The following NDST1 variants were observed in gnomAD, a reference collection of about 807,000 sequenced individuals.
NDST1 encodes the protein N-deacetylase and N-sulfotransferase 1.
A neutral mutation model predicts 92.8 loss-of-function variants in NDST1; 35 were observed. The ratio of observed to expected loss-of-function variants is 0.38; its 90% CI spans 0.29 to 0.50. The LOEUF is 0.50. Among genes scored for constraint, NDST1 ranks in the 20% least tolerant of loss-of-function variants. NDST1 has a pLI of 0.94. For synonymous variants in NDST1, 493 were observed against 500.3 expected (o/e 0.99, Z 0.19); for missense variants, 822 against 1,182.7 (o/e 0.69, Z 4.47).
intron 8 of NDST1, among the ~76,000 whole-genome samples, chr5:150,541,285 C>A (rs1328622683): frequency 1.3e-5 from 2 of 152,188 alleles, no homozygotes; most frequent in African/African-American, 4.8e-5. Flanking sequence ...CGTTTCTTGA[C>A]CCCCTGGTTC....
upstream of NDST1, among the ~76,000 whole-genome samples, chr5:150,503,465 A>T (rs980219381): frequency 9.2e-5 from 14 of 152,270 alleles, no homozygotes; most frequent in African/African-American, 3.4e-4. Context: ...AAACAAACAA[A>T]AAAATAAAGC....
At chr5:150,512,946 T>C (rs1753790102) in intron 1 of NDST1, among the ~76,000 whole-genome samples, 1 of 152,242 alleles carries the variant, frequency 6.6e-6, no homozygotes, top group Non-Finnish European at 1.5e-5. Flanking sequence ...GAATTACCTG[T>C]AATCCCAGCA....
intron 1 of NDST1, among the ~76,000 whole-genome samples, chr5:150,500,007 TC>T (rs1753161575): frequency 6.6e-6 from 1 of 152,202 alleles, no homozygotes; most frequent in South Asian, 2.1e-4. Flanking sequence ...CTGTGCTTTC[TC>T]CTCCTAGAGT....
At chr5:150,530,016 C>T (rs1304171123) in intron 3 of NDST1, among the ~76,000 whole-genome samples, 1 of 152,222 alleles carries the variant, frequency 6.6e-6, no homozygotes, top group Non-Finnish European at 1.5e-5. Context: ...CCCTAATGAA[C>T]TAGGTGACTT....
At chr5:150,540,027 A>G in intron 7 of NDST1, 55 bp from the exon 8 acceptor site, 3 of 1,602,210 alleles carry the variant, frequency 1.9e-6, no homozygotes, top group Non-Finnish European at 2.6e-6. Context: ...GTTGGCGGTG[A>G]GGGTGGCTCA....
chr5:150,540,281 C>CG lies in NDST1; in HGVS notation c.1749+17_1749+18insG, dbSNP rs1755184089. ...CTCTGGCAGGTGGGGGGCTGGGCAG[C>CG]CTGGGCAGGTTGCTACAGGGATGGA... is the stretch of plus-strand genomic sequence containing the variant. On this transcript the variant is annotated intron_variant, in intron 8 of 14. Coordinates refer to ENST00000261797, the MANE Select transcript of NDST1 (RefSeq NM_001543.5). The CG allele has an allele frequency of 1.3e-5, 20 of 1,589,304 alleles. No individual in the cohort carries two copies. The highest frequency in any genetic ancestry group is 1.6e-5 in the Non-Finnish European group (19 of 1,165,986).
intron 2 of NDST1, among the ~76,000 whole-genome samples, chr5:150,526,526 C>T (rs891563599): frequency 6.6e-6 from 1 of 152,228 alleles, no homozygotes; most frequent in South Asian, 2.1e-4. Flanking sequence ...TGTGTGTGTT[C>T]CTGCTGGGTA....
At chr5:150,511,414 A>G (rs565400572) in intron 1 of NDST1, among the ~76,000 whole-genome samples, 12 of 152,310 alleles carry the variant, frequency 7.9e-5, no homozygotes, top group African/African-American at 2.9e-4. Flanking sequence ...GAGCTCAATC[A>G]GGACTTTAGA....
chr5:150,553,934 T>C lies in NDST1; in HGVS notation c.*602T>C. The C allele has an allele frequency of 4.7e-6, 2 of 426,970 alleles. No homozygotes were observed. Among genetic ancestry groups the C allele is most frequent in the Non-Finnish European group, 8.3e-6 (2 of 242,052 alleles). 26.4% of individuals were successfully genotyped at this position (426,970 alleles called of 1,614,324 possible). A position where few individuals can be genotyped will look rare whatever the true frequency, so the allele number is the denominator to read the frequency against. ...TCCCGTTCTGGGGAAGAATTTCTGG[T>C]TCCTACAGTATCCACTCCATCCTCA... On this transcript the variant is annotated 3_prime_UTR_variant, in exon 15 of 15. Coordinates refer to ENST00000261797, the MANE Select transcript of NDST1 (RefSeq NM_001543.5). This position sits in a 1 kb window ranked among gnomAD's most constrained non-coding sequence, Gnocchi z 4.2.
Position 150,535,600 on chromosome 5 carries a change from A to C in NDST1, c.1252-100A>C, listed in dbSNP as rs1581390695. The C allele has an allele frequency of 4.8e-6, 7 of 1,451,378 alleles. No individual in the cohort carries two copies. The East Asian group carries it at 1.6e-4, about 33-fold the overall frequency. 89.9% of individuals were successfully genotyped at this position (1,451,378 alleles called of 1,614,324 possible). A position where few individuals can be genotyped will look rare whatever the true frequency, so the allele number is the denominator to read the frequency against. The stretch of plus-strand genomic sequence containing the variant: ...AAGTCTCAGACCAGCAGCCATGCCG[A>C]CCTAACCTCTGATTTCTCTCTCCCA... On this transcript the variant is annotated intron_variant, in intron 5 of 14. Transcript: ENST00000261797.
At chr5:150,546,659 C>T (rs1333762718) in intron 11 of NDST1, among the ~76,000 whole-genome samples, 1 of 152,258 alleles carries the variant, frequency 6.6e-6, no homozygotes, top group East Asian at 1.9e-4. Flanking sequence ...ATAGTTCCCA[C>T]CCTGCTTTGA....
chr5:150,532,968 A>G lies in NDST1; in HGVS notation c.1032A>G (p.Glu344=). Residue 344 remains glutamate, a synonymous_variant, in exon 4 of 15, where the codon GAA becomes GAG. Transcript: ENST00000261797. ...AGGCCCTGTTTGACACACAGAACGA[A>G]CTACGCGCACACATCCCAAACTTCA... ...DVKALFDTQN[E]LRAHIPNFTF... is the part of the protein sequence containing the mutation. The G allele has an allele frequency of 6.2e-7, 1 of 1,614,152 alleles. No individual in the cohort carries two copies. The highest frequency in any genetic ancestry group is 8.5e-7 in the Non-Finnish European group (1 of 1,180,028).
chr5:150,522,843 A>C (rs995481306), intron 2 of NDST1, among the ~76,000 whole-genome samples: 7 of 152,240 alleles, frequency 4.6e-5, no homozygotes, highest in Admixed American at 4.6e-4. Flanking sequence ...GAAATAAATG[A>C]GGGGAGGAGC....
intron 1 of NDST1, among the ~76,000 whole-genome samples, chr5:150,511,856 G>A (rs1212868365): frequency 6.6e-6 from 1 of 152,120 alleles, no homozygotes; most frequent in Admixed American, 6.6e-5. Flanking sequence ...CAAATGTGGA[G>A]GATTTTCCTT....
chr5:150,527,259 C>T (rs749394205), intron 2 of NDST1, among the ~76,000 whole-genome samples: 19 of 152,218 alleles, frequency 1.2e-4, no homozygotes, highest in African/African-American at 2.7e-4. Context: ...AAGTGGGATA[C>T]GCAGGCTGAT....
intron 9 of NDST1, 90 bp from the exon 10 acceptor site, chr5:150,542,758 G>A (rs1755301805): frequency 6.5e-7 from 1 of 1,549,950 alleles, no homozygotes; most frequent in African/African-American, 1.4e-5. Flanking sequence ...GGAGCCCCCA[G>A]TGGGTCGTGG....
intron 1 of NDST1, among the ~76,000 whole-genome samples, chr5:150,520,580 A>G (rs1045300948): frequency 4.6e-5 from 7 of 152,166 alleles, no homozygotes; most frequent in Admixed American, 2.6e-4. Context: ...AGCAACTCCA[A>G]TTTGTAGATA....
Position 150,557,637 on chromosome 5 carries a change from CT to C in NDST1, c.*4306del, listed in dbSNP as rs1755896774. On this transcript the variant is annotated 3_prime_UTR_variant, in exon 15 of 15. Coordinates refer to ENST00000261797, the MANE Select transcript of NDST1 (RefSeq NM_001543.5). The surrounding 1 kb of genome is among the most constrained non-coding windows in gnomAD (Gnocchi z 4.7). The stretch of plus-strand genomic sequence containing the variant: ...CACATCAAAGGAGGCAGCCTCTGCT[CT>C]AGTTGATGTGAGGATGAGGGGGCGG... 6.6e-6 allele frequency: 1 copy of C among 152,280 alleles called. No homozygotes were observed. Among genetic ancestry groups the C allele is most frequent in the African/African-American group, 2.4e-5 (1 of 41,466 alleles). 9.4% of individuals were successfully genotyped at this position (152,280 alleles called of 1,614,324 possible). A position where few individuals can be genotyped will look rare whatever the true frequency, so the allele number is the denominator to read the frequency against.
intron 9 of NDST1, 95 bp downstream of exon 9, chr5:150,541,761 TAATTTGCTCCCTCTTTCCCAGGA>T: frequency 1.8e-6 from 2 of 1,140,414 alleles, no homozygotes; most frequent in Non-Finnish European, 2.6e-6. Context: ...CACTCCCGGA[TAATTTGCTCCCTCTTTCCCAGGA>T]AGTAGGAATG....
Sources: gnomAD v4.1 joint callset for allele counts (sites outside exome capture counted in the v4.1 genomes callset) on GRCh38, gnomAD v4.1.1 for gene constraint, Gnocchi (gnomAD v3.1) non-coding constraint, MANE v1.5 for transcripts, NCBI Gene and HGNC (gene_info 2026-07-23, HGNC 2026-07-21) for gene names.